The following ADCY5 variants were observed in gnomAD, a reference collection of about 807,000 sequenced individuals.
The protein encoded by ADCY5 is adenylate cyclase 5, also known as adenylate cyclase type 5.
In ADCY5, 30 loss-of-function variants were observed where a neutral mutation model predicts 119.7. That is an observed-to-expected ratio of 0.25 (90% CI 0.19 to 0.34). The LOEUF is 0.34. Among genes scored for constraint, ADCY5 ranks in the 10% least tolerant of loss-of-function variants. The pLI is 1.00. For missense variants in ADCY5, 1,324 were observed against 1,775.2 expected (o/e 0.75, Z 4.57); for synonymous variants, 753 against 762.2 (o/e 0.99, Z 0.20).
intron 3 of ADCY5, among the ~76,000 whole-genome samples, chr3:123,340,171 G>A (rs972755998): frequency 1.3e-5 from 2 of 151,874 alleles, no homozygotes; most frequent in Admixed American, 1.3e-4. Flanking sequence ...AGGCACCTGG[G>A]GTCCGAGTTA....
intron 6 of ADCY5, 71 bp from the exon 7 acceptor site, chr3:123,327,830 A>G (rs1180177084): frequency 6.4e-7 from 1 of 1,552,090 alleles, no homozygotes; most frequent in Non-Finnish European, 8.8e-7. Flanking sequence ...CCCGTGAAAA[A>G]CCAAACTGCA....
intron 20 of ADCY5, 40 bp from the exon 21 acceptor site, chr3:123,284,776 G>C (rs1200505848): frequency 6.2e-7 from 1 of 1,613,312 alleles, no homozygotes; most frequent in Non-Finnish European, 8.5e-7. Context: ...GCCACTGATG[G>C]CCTTGGCCAT....
chr3:123,411,994 C>G (rs1296742548), intron 1 of ADCY5, among the ~76,000 whole-genome samples: 2 of 152,232 alleles, frequency 1.3e-5, no homozygotes, highest in African/African-American at 4.8e-5. Flanking sequence ...TCTCCCCAGA[C>G]AGGCATCTGA....
intron 1 of ADCY5, among the ~76,000 whole-genome samples, chr3:123,376,476 A>G (rs1943837866): frequency 6.6e-6 from 1 of 152,154 alleles, no homozygotes. Context: ...GTGGTCTCCA[A>G]GTCCAGACTG....
At chr3:123,425,476 CTGCATGTG>C (rs1945387457) in intron 1 of ADCY5, among the ~76,000 whole-genome samples, 2 of 152,218 alleles carry the variant, frequency 1.3e-5, no homozygotes, top group Admixed American at 1.3e-4. Flanking sequence ...TTGTGTTCCA[CTGCATGTG>C]TGCATGTCTT....
chr3:123,335,262 C>A (rs1941965097), intron 3 of ADCY5, among the ~76,000 whole-genome samples: 1 of 152,216 alleles, frequency 6.6e-6, no homozygotes, highest in South Asian at 2.1e-4. Context: ...GGCCTCCTGA[C>A]TGCCCTGGTG....
intron 1 of ADCY5, among the ~76,000 whole-genome samples, chr3:123,439,021 G>A (rs910638511): frequency 6.0e-5 from 9 of 149,762 alleles, no homozygotes; most frequent in African/African-American, 2.2e-4. Context: ...CAAAGTGCTG[G>A]GATTACAGGC....
chr3:123,284,365 G>GTCT lies in ADCY5; in HGVS notation c.*240_*242dup. On this transcript the variant is annotated 3_prime_UTR_variant, in exon 21 of 21. Transcript: ENST00000462833. ...CAAGCTTCAGACCCAGTCTAGCAGA[G>GTCT]TCTTCTACAGAGGGAAACATCTTTG... 1 of 548,566 alleles carries GTCT rather than the reference G, an allele frequency of 1.8e-6. No homozygotes were observed. The highest frequency in any genetic ancestry group is 3.2e-6 in the Non-Finnish European group (1 of 309,912). The allele number at this position is 548,566 out of a possible 1,614,324, so 34.0% of individuals were successfully genotyped here.
intron 1 of ADCY5, 134 bp downstream of exon 1, chr3:123,447,278 G>A (rs1348189219): frequency 9.7e-7 from 1 of 1,028,072 alleles, no homozygotes; most frequent in Non-Finnish European, 1.4e-6. Flanking sequence ...CTCCCAAATA[G>A]CCTACATGGC....
chr3:123,345,344 T>C (rs1306125396), intron 3 of ADCY5, among the ~76,000 whole-genome samples: 1 of 152,374 alleles, frequency 6.6e-6, no homozygotes. Flanking sequence ...GAAGCTGTGC[T>C]GGAGGTGCTA....
At chr3:123,324,863 G>C (rs182859005) in intron 8 of ADCY5, among the ~76,000 whole-genome samples, 1 of 152,224 alleles carries the variant, frequency 6.6e-6, no homozygotes, top group East Asian at 1.9e-4. Flanking sequence ...GAAAGCACTA[G>C]GATAGTTTCT....
At chr3:123,305,975 T>C (rs1009404230) in intron 12 of ADCY5, among the ~76,000 whole-genome samples, 1 of 152,136 alleles carries the variant, frequency 6.6e-6, no homozygotes, top group Admixed American at 6.5e-5. Flanking sequence ...GGCTGAAAGA[T>C]GAAGGCCTGG....
intron 12 of ADCY5, among the ~76,000 whole-genome samples, chr3:123,311,304 A>C (rs1940562667): frequency 6.6e-6 from 1 of 152,256 alleles, no homozygotes; most frequent in African/African-American, 2.4e-5. Flanking sequence ...GCTTTGTGAC[A>C]GCACCTGCAA....
intron 1 of ADCY5, among the ~76,000 whole-genome samples, chr3:123,442,331 A>G (rs1458886881): frequency 6.6e-6 from 1 of 152,200 alleles, no homozygotes; most frequent in Non-Finnish European, 1.5e-5. Flanking sequence ...CTCCCTCCTC[A>G]GGTCCCAGTT....
intron 20 of ADCY5, 55 bp from the exon 21 acceptor site, chr3:123,284,791 T>G: frequency 6.2e-7 from 1 of 1,609,950 alleles, no homozygotes; most frequent in South Asian, 1.1e-5. Context: ...GGCCATGAAC[T>G]GCTGTGGGGT....
At chr3:123,426,308 T>TG (rs1398063244) in intron 1 of ADCY5, among the ~76,000 whole-genome samples, 25 of 10,372 alleles carry the variant, frequency 2.4e-3, no homozygotes, top group South Asian at 0.013. Flanking sequence ...TGTTTTTTTT[T>TG]TGTTTGTTTT....
intron 12 of ADCY5, 94 bp downstream of exon 12, chr3:123,314,141 G>A (rs1364854297): frequency 5.9e-5 from 56 of 954,132 alleles, no homozygotes; most frequent in Middle Eastern, 2.2e-4. Context: ...CACAATACTC[G>A]GGCCCCTTCA....
chr3:123,415,523 G>A (rs919090124), intron 1 of ADCY5, among the ~76,000 whole-genome samples: 119 of 152,266 alleles, frequency 7.8e-4, no homozygotes, highest in African/African-American at 2.7e-3. Flanking sequence ...GAGAACTAAC[G>A]AGCCTCTCTT....
At position 123,327,531 on chromosome 3, in the gene ADCY5, A is replaced by G. The variant is rs1052560788; in HGVS notation, c.1947+87T>C. ...CATAAGAAATTCATGACTTCACTCAAGGAAAGAGAAGGAAGCAGCAGGTCA... is the reference window on the plus strand; with the variant it reads ...CATAAGAAATTCATGACTTCACTCAGGGAAAGAGAAGGAAGCAGCAGGTCA... On this transcript the variant is annotated intron_variant, in intron 7 of 20. Transcript: ENST00000462833. 8 of 1,350,044 alleles carry G rather than the reference A, an allele frequency of 5.9e-6. No homozygotes were observed. The African/African-American group carries it at 7.3e-5, about 12-fold the overall frequency. The allele number at this position is 1,350,044 out of a possible 1,614,324, so 83.6% of individuals were successfully genotyped here. A position where few individuals can be genotyped will look rare whatever the true frequency, so the allele number is the denominator to read the frequency against.
Sources: gnomAD v4.1 joint callset for allele counts (sites outside exome capture counted in the v4.1 genomes callset) on GRCh38, gnomAD v4.1.1 for gene constraint, MANE v1.5 for transcripts, NCBI Gene and HGNC (gene_info 2026-07-23, HGNC 2026-07-21) for gene names.